The following GATA4 variants were observed in gnomAD, a reference collection of about 807,000 sequenced individuals.
GATA4 encodes the protein GATA binding protein 4.
Under a neutral mutation model 37.9 loss-of-function variants are expected in GATA4, and 7 were observed. The observed-to-expected ratio is 0.18, with a 90% CI of 0.11 to 0.35. The LOEUF is 0.35. GATA4 is among the 10% of genes least tolerant of loss of function. GATA4 has a pLI of 1.00. For synonymous variants in GATA4, 372 were observed against 292.6 expected, an observed-to-expected ratio of 1.27 and a Z score of -2.77; for missense variants, 647 against 653.0, an observed-to-expected ratio of 0.99 and a Z score of 0.10.
intron 2 of GATA4, among the ~76,000 whole-genome samples, chr8:11,735,130 T>C (rs986205611): frequency 6.6e-6 from 1 of 152,362 alleles, no homozygotes; most frequent in African/African-American, 2.4e-5. Flanking sequence ...TAAAAACATC[T>C]GAAGGAAATA....
chr8:11,727,050 C>T (rs1037133140), intron 2 of GATA4, among the ~76,000 whole-genome samples: 4 of 152,282 alleles, frequency 2.6e-5, no homozygotes, highest in Admixed American at 1.3e-4. Context: ...GAGAGCTGTG[C>T]GTGCCAGCCA....
At chr8:11,679,205 A>G (rs553957962) in intron 1 of GATA4, among the ~76,000 whole-genome samples, 2 of 149,564 alleles carry the variant, frequency 1.3e-5, no homozygotes, top group South Asian at 4.2e-4. Flanking sequence ...CGCCTGAATT[A>G]TCTAGATAAA....
chr8:11,706,467 A>C (rs557321820), intron 1 of GATA4, among the ~76,000 whole-genome samples: 14 of 152,346 alleles, frequency 9.2e-5, no homozygotes, highest in African/African-American at 3.4e-4. Context: ...TTTTACAAAT[A>C]TTAATTTATA....
rs1554488902 is a variant in GATA4, at chr8:11,709,578, G to GGGGGGGC, written c.616+656_616+657insCGGGGGG. Among the ~76,000 whole-genome samples, 11 of 115,392 alleles carry GGGGGGGC rather than the reference G, an allele frequency of 9.5e-5. No individual in the cohort carries two copies. The highest frequency in any genetic ancestry group is 4.7e-4 in the African/African-American group (9 of 19,032). 75.7% of individuals were successfully genotyped at this position (115,392 alleles called of 152,430 possible). A position where few individuals can be genotyped will look rare whatever the true frequency, so the allele number is the denominator to read the frequency against. On this transcript the variant is annotated intron_variant, in intron 2 of 6. Coordinates refer to ENST00000532059, the MANE Select transcript of GATA4 (RefSeq NM_001308093.3). This position sits in a 1 kb window ranked among gnomAD's most constrained non-coding sequence, Gnocchi z 4.3. ...CGTGGGCGCATCATGCGGGCAGCGG[G>GGGGGGGC]GGGGGGGGCGCACACGCCCGGTCAG...
chr8:11,704,669 G>A (rs1799813040), intron 1 of GATA4, among the ~76,000 whole-genome samples: 1 of 152,218 alleles, frequency 6.6e-6, no homozygotes, highest in South Asian at 2.1e-4. Flanking sequence ...CGGGACTGAC[G>A]GGCCCGGGAC....
chr8:11,731,563 A>C lies in GATA4; in HGVS notation c.617-17353A>C, dbSNP rs141079368. ...GACAGAAAGCAGAAGAGGGGTTGCC[A>C]GGTGGTGGGGCCAGGATCGGGGTGC... On this transcript the variant is annotated intron_variant, in intron 2 of 6. Coordinates refer to ENST00000532059, the MANE Select transcript of GATA4 (RefSeq NM_001308093.3). Among the ~76,000 whole-genome samples, 1,158 of 152,342 alleles carry C rather than the reference A, an allele frequency of 7.6e-3. 5 individuals carry two copies. The highest frequency in any genetic ancestry group is 0.026 in the African/African-American group (1,083 of 41,590).
intron 5 of GATA4, 175 bp from the exon 6 acceptor site, chr8:11,756,760 G>C: frequency 1.2e-6 from 1 of 820,602 alleles, no homozygotes; most frequent in Non-Finnish European, 2.1e-6. Context: ...GAGATAGGGG[G>C]AAGAAGCCAT....
chr8:11,702,717 C>T (rs187093653), upstream of GATA4, among the ~76,000 whole-genome samples: 406 of 152,170 alleles, frequency 2.7e-3, 1 homozygote, highest in Non-Finnish European at 3.9e-3. This position sits in a 1 kb window ranked among gnomAD's most constrained non-coding sequence, Gnocchi z 4.4. Flanking sequence ...GTGTCGCCCC[C>T]AGCTTCCGGG....
At chr8:11,726,798 G>A (rs1257206067) in intron 2 of GATA4, among the ~76,000 whole-genome samples, 1 of 152,170 alleles carries the variant, frequency 6.6e-6, no homozygotes, top group Non-Finnish European at 1.5e-5. Context: ...ATGCTCTGCT[G>A]GGCCCTGATG....
chr8:11,725,739 C>A lies in GATA4; in HGVS notation c.616+16811C>A, dbSNP rs550567779. On this transcript the variant is annotated intron_variant, in intron 2 of 6. Transcript: ENST00000532059. ...AGCCTTGGCTCACAGCGAGTGCTGA[C>A]CCTAAGCCATTATTACTCGGCACCT... Among the ~76,000 whole-genome samples the A allele has an allele frequency of 2.0e-5, 3 of 152,318 alleles. No homozygotes were observed. The South Asian group carries it at 6.2e-4, about 32-fold the overall frequency.
intron 1 of GATA4, chr8:11,680,780 G>T (rs1798941055): frequency 2.0e-6 from 2 of 985,316 alleles, no homozygotes; most frequent in African/African-American, 3.5e-5. Context: ...GATGCGAGGT[G>T]CTCACCCGCC....
intron 4 of GATA4, among the ~76,000 whole-genome samples, chr8:11,751,751 A>T (rs1802315449): frequency 6.6e-6 from 1 of 152,226 alleles, no homozygotes. Flanking sequence ...TGTACCTGAA[A>T]ATGACCATGA....
chr8:11,719,550 T>C lies in GATA4; in HGVS notation c.616+10622T>C, dbSNP rs138334850. Among the ~76,000 whole-genome samples the C allele has an allele frequency of 6.5e-3, 984 of 152,310 alleles. 7 individuals carry two copies. Among genetic ancestry groups the C allele is most frequent in the Middle Eastern group, 0.062 (18 of 292 alleles). ...TTTATGAAACTCAATGTATATTTATTATAGAAAAATGGAAAACTCACATAA... is the reference window on the plus strand; with the variant it reads ...TTTATGAAACTCAATGTATATTTATCATAGAAAAATGGAAAACTCACATAA... On this transcript the variant is annotated intron_variant, in intron 2 of 6. Transcript: ENST00000532059.
At chr8:11,725,646 G>A (rs1417549700) in intron 2 of GATA4, among the ~76,000 whole-genome samples, 4 of 152,342 alleles carry the variant, frequency 2.6e-5, no homozygotes, top group East Asian at 1.9e-4. Flanking sequence ...CCTGCCCCTC[G>A]CTCTTCACTC....
At chr8:11,745,345 G>T (rs942322604) in intron 2 of GATA4, among the ~76,000 whole-genome samples, 1 of 150,732 alleles carries the variant, frequency 6.6e-6, no homozygotes, top group Admixed American at 6.6e-5. Flanking sequence ...AGGCTGAGGT[G>T]GGAGGATCGC....
intron 2 of GATA4, among the ~76,000 whole-genome samples, chr8:11,721,586 G>A (rs1800680119): frequency 6.6e-6 from 1 of 152,010 alleles, no homozygotes; most frequent in African/African-American, 2.4e-5. Context: ...CAGTTTTGGA[G>A]GATTTATGTG....
chr8:11,722,137 C>T (rs908496022), intron 2 of GATA4, among the ~76,000 whole-genome samples: 1 of 152,176 alleles, frequency 6.6e-6, no homozygotes, highest in Non-Finnish European at 1.5e-5. Context: ...TGTGAACCAC[C>T]ACACCCCACC....
intron 5 of GATA4, 116 bp downstream of exon 5, chr8:11,755,249 C>A: frequency 1.3e-6 from 1 of 768,766 alleles, no homozygotes; most frequent in Non-Finnish European, 2.3e-6. Flanking sequence ...GTGGTGACAG[C>A]ATCGGACATC....
At chr8:11,678,931 ACT>A (rs1031722643) in intron 1 of GATA4, among the ~76,000 whole-genome samples, 14 of 152,150 alleles carry the variant, frequency 9.2e-5, no homozygotes, top group African/African-American at 3.4e-4. Flanking sequence ...TTTATAAATT[ACT>A]CTTTCTCCCT....
Sources: gnomAD v4.1 joint callset for allele counts (sites outside exome capture counted in the v4.1 genomes callset) on GRCh38, gnomAD v4.1.1 for gene constraint, Gnocchi (gnomAD v3.1) non-coding constraint, MANE v1.5 for transcripts, NCBI Gene and HGNC (gene_info 2026-07-23, HGNC 2026-07-21) for gene names.